Variants in PDE11A observed in about 807,000 individuals in gnomAD.
PDE11A encodes phosphodiesterase 11A.
Under a neutral mutation model 100.5 loss-of-function variants are expected in PDE11A, and 100 were observed. The ratio of observed to expected loss-of-function variants is 1.00; its 90% CI spans 0.85 to 1.18. PDE11A has a LOEUF of 1.18. Ranked by LOEUF, PDE11A falls within the 50% of genes most tolerant of loss-of-function variation. The pLI is 0.00. For missense variants in PDE11A, 1,141 were observed against 1,152.6 expected, an observed-to-expected ratio of 0.99 and a Z score of 0.15; for synonymous variants, 381 against 420.8, an observed-to-expected ratio of 0.91 and a Z score of 1.16.
chr2:177,637,554 C>T (rs1465061737), intron 19 of PDE11A, among the ~76,000 whole-genome samples: 1 of 151,754 alleles, frequency 6.6e-6, no homozygotes, highest in Non-Finnish European at 1.5e-5. Context: ...CCTTCTGGGT[C>T]CTTTTAAGCC....
intron 19 of PDE11A, among the ~76,000 whole-genome samples, chr2:177,633,697 T>C (rs2079990981): frequency 6.6e-6 from 1 of 152,242 alleles, no homozygotes; most frequent in Non-Finnish European, 1.5e-5. Flanking sequence ...ATAGTGTTTT[T>C]ATTTAGACAA....
At chr2:178,007,827 C>T (rs1276108809) in intron 2 of PDE11A, among the ~76,000 whole-genome samples, 2 of 152,126 alleles carry the variant, frequency 1.3e-5, no homozygotes, top group Non-Finnish European at 2.9e-5. Flanking sequence ...GCCTCAGCCT[C>T]CCAAGTAGCT....
At chr2:177,796,925 G>C (rs2082715246) in intron 9 of PDE11A, 1 of 152,074 alleles carries the variant, frequency 6.6e-6, no homozygotes, top group African/African-American at 2.4e-5. Context: ...ATTACTCCTA[G>C]GATCTGCACT....
Position 178,072,499 on chromosome 2 carries a change from C to T in PDE11A, c.-62G>A. 1 of 1,602,206 alleles carries T rather than the reference C, an allele frequency of 6.2e-7. No homozygotes were observed. Among genetic ancestry groups the T allele is most frequent in the Non-Finnish European group, 8.5e-7 (1 of 1,177,796 alleles). The stretch of plus-strand genomic sequence containing the variant: ...ACCAAATGTTTTCCTGCCCCGAGGC[C>T]TCTAGCTGTTCCTGCACATGTTCAC... On this transcript the variant is annotated 5_prime_UTR_variant, in exon 1 of 20. Coordinates refer to ENST00000286063, the MANE Select transcript of PDE11A (RefSeq NM_016953.4).
intron 2 of PDE11A, among the ~76,000 whole-genome samples, chr2:177,951,210 T>C (rs2085501059): frequency 6.6e-6 from 1 of 152,210 alleles, no homozygotes; most frequent in Non-Finnish European, 1.5e-5. Context: ...GAATGATATT[T>C]ATAAGGAGCC....
At chr2:177,850,829 C>A (rs969607529) in intron 5 of PDE11A, among the ~76,000 whole-genome samples, 79 of 152,072 alleles carry the variant, frequency 5.2e-4, no homozygotes, top group African/African-American at 1.5e-3. Context: ...ATCAAAACCA[C>A]AATGAGATAC....
intron 19 of PDE11A, among the ~76,000 whole-genome samples, chr2:177,652,645 T>A (rs565117373): frequency 9.9e-5 from 15 of 151,724 alleles, no homozygotes; most frequent in Non-Finnish European, 1.8e-4. Context: ...GGGATCAGAG[T>A]GGAGGCAGCT....
At chr2:177,961,841 G>C (rs1559024984) in intron 2 of PDE11A, among the ~76,000 whole-genome samples, 1 of 151,906 alleles carries the variant, frequency 6.6e-6, no homozygotes, top group Non-Finnish European at 1.5e-5. Flanking sequence ...CCCTTTGGGA[G>C]GCCGAGGTTA....
chr2:177,857,905 T>G (rs1337335185), intron 5 of PDE11A, among the ~76,000 whole-genome samples: 1 of 151,858 alleles, frequency 6.6e-6, no homozygotes, highest in Non-Finnish European at 1.5e-5. Flanking sequence ...TCATATCAGA[T>G]AAAACAGTTT....
intron 5 of PDE11A, among the ~76,000 whole-genome samples, chr2:177,849,983 C>T (rs1010183300): frequency 8.5e-5 from 13 of 152,264 alleles, no homozygotes; most frequent in African/African-American, 2.9e-4. Flanking sequence ...AGATTCAATG[C>T]CATCCCCATC....
chr2:178,038,259 C>A (rs961075670), intron 1 of PDE11A, among the ~76,000 whole-genome samples: 10 of 151,892 alleles, frequency 6.6e-5, no homozygotes, highest in Non-Finnish European at 1.2e-4. Flanking sequence ...TTTCTTCATG[C>A]CCTTTTTAAT....
At chr2:177,869,342 G>A (rs1051152555) in intron 5 of PDE11A, among the ~76,000 whole-genome samples, 2 of 152,212 alleles carry the variant, frequency 1.3e-5, no homozygotes, top group Non-Finnish European at 2.9e-5. Flanking sequence ...GAAGAATGGA[G>A]CTCATTCAGG....
intron 19 of PDE11A, among the ~76,000 whole-genome samples, chr2:177,650,210 A>G (rs1224825619): frequency 6.6e-6 from 1 of 152,134 alleles, no homozygotes; most frequent in Non-Finnish European, 1.5e-5. Flanking sequence ...CATTAAATAG[A>G]TTTTGAAAAA....
At chr2:177,792,119 G>A (rs2082641762) in intron 9 of PDE11A, among the ~76,000 whole-genome samples, 2 of 152,086 alleles carry the variant, frequency 1.3e-5, no homozygotes, top group Admixed American at 6.5e-5. Context: ...TCCCACAATT[G>A]CATTACTCCT....
intron 2 of PDE11A, among the ~76,000 whole-genome samples, chr2:177,916,927 A>ATTTTTTTTTTTTTTTTTTTT: frequency 9.5e-6 from 1 of 105,314 alleles, no homozygotes; most frequent in Non-Finnish European, 1.8e-5. Flanking sequence ...CGCCCGGCTA[A>ATTTTTTTTTTTTTTTTTTTT]TTTTTTTTTT....
intron 2 of PDE11A, among the ~76,000 whole-genome samples, chr2:177,996,464 T>C (rs959474697): frequency 1.7e-5 from 2 of 120,332 alleles, no homozygotes; most frequent in Non-Finnish European, 3.5e-5. Flanking sequence ...AGCATACATA[T>C]ATACATATAT....
chr2:177,822,727 C>A (rs72951087), intron 6 of PDE11A, among the ~76,000 whole-genome samples: 41,097 of 151,682 alleles, frequency 0.27, 5,942 homozygotes, highest in African/African-American at 0.38. Flanking sequence ...ATAAATATCC[C>A]TTAATTTATT....
chr2:178,056,746 A>C (rs1384816183), intron 1 of PDE11A, among the ~76,000 whole-genome samples: 2 of 152,240 alleles, frequency 1.3e-5, no homozygotes, highest in Admixed American at 6.5e-5. Context: ...ATGAGATTTA[A>C]AAATATGATT....
chr2:177,665,043 A>G (rs1394640585), intron 18 of PDE11A, among the ~76,000 whole-genome samples: 2 of 152,152 alleles, frequency 1.3e-5, no homozygotes, highest in African/African-American at 4.8e-5. Flanking sequence ...CACTGATTCC[A>G]CCAGGCTTTT....
Sources: allele counts gnomAD v4.1 joint callset (sites outside exome capture counted in the v4.1 genomes callset), GRCh38; gene constraint gnomAD v4.1.1; transcripts MANE v1.5; gene names NCBI Gene and HGNC (gene_info 2026-07-23, HGNC 2026-07-21).